OSBPL6: variants seen among roughly 807,000 people sequenced by gnomAD.
OSBPL6 encodes oxysterol binding protein like 6, also known as oxysterol-binding protein-related protein 6.
A neutral mutation model predicts 125.8 loss-of-function variants in OSBPL6; 49 were observed. That is an observed-to-expected ratio of 0.39 (90% confidence interval 0.31 to 0.49). The LOEUF (loss-of-function observed/expected upper bound fraction) is 0.49, where lower values mean the gene tolerates loss of function less well. Among genes scored for constraint, OSBPL6 ranks in the 20% least tolerant of loss-of-function variants. The pLI is 0.88. For synonymous variants in OSBPL6, 394 were observed against 391.8 expected (o/e 1.01, Z -0.07); for missense variants, 986 against 1,135.4 (o/e 0.87, Z 1.89).
At chr2:178,259,218 C>G (rs748215214) in intron 1 of OSBPL6, among the ~76,000 whole-genome samples, 6 of 152,112 alleles carry the variant, frequency 3.9e-5, no homozygotes, top group Non-Finnish European at 7.3e-5. Context: ...CCCAAGTGTA[C>G]CTGCATATAT....
chr2:178,282,573 A>C (rs1052367243), intron 1 of OSBPL6, among the ~76,000 whole-genome samples: 1 of 152,190 alleles, frequency 6.6e-6, no homozygotes, highest in Non-Finnish European at 1.5e-5. Context: ...CCTCTTTATC[A>C]GTGTCTTCTC....
At chr2:178,210,639 C>A (rs73028670) in intron 1 of OSBPL6, among the ~76,000 whole-genome samples, 60,131 of 151,692 alleles carry the variant, frequency 0.4, 12,428 homozygotes, top group African/African-American at 0.51. Flanking sequence ...GGTGAAACCC[C>A]GCTTCTACTA....
chr2:178,373,819 G>A, intron 14 of OSBPL6, 71 bp from the exon 15 acceptor site: 1 of 1,566,240 alleles, frequency 6.4e-7, no homozygotes. Context: ...GTAGAAATCT[G>A]GCTAATTTGA....
intron 13 of OSBPL6, among the ~76,000 whole-genome samples, chr2:178,368,744 A>G (rs1020590321): frequency 2.6e-5 from 4 of 152,042 alleles, no homozygotes; most frequent in African/African-American, 9.7e-5. Flanking sequence ...AAAAAATTAA[A>G]TGTAAAAAAA....
chr2:178,393,350 C>T (rs774520922), intron 23 of OSBPL6, among the ~76,000 whole-genome samples: 2 of 152,126 alleles, frequency 1.3e-5, no homozygotes, highest in Non-Finnish European at 2.9e-5. Flanking sequence ...ACCTTTAATA[C>T]CTTCTGATTC....
At chr2:178,358,102 G>C (rs1008416029) in intron 12 of OSBPL6, among the ~76,000 whole-genome samples, 1 of 152,122 alleles carries the variant, frequency 6.6e-6, no homozygotes, top group Non-Finnish European at 1.5e-5. Context: ...GGCTGGGGGA[G>C]GGATAGCATT....
rs1696107380 is a variant in OSBPL6 at position 178,401,716 on chromosome 2, G to T, written c.*6157G>T. ...GCCACGAAAATCATCTTGGATATTT[G>T]TTTACAGGCTGATTCCTGAGTTTCC... On this transcript the variant is annotated 3_prime_UTR_variant, in exon 25 of 25. Coordinates refer to ENST00000190611, the MANE Select transcript of OSBPL6 (RefSeq NM_032523.4). 6.6e-6 allele frequency: 1 copy of T among 152,186 alleles called. No individual in the cohort carries two copies. The highest frequency in any genetic ancestry group is 2.4e-5 in the African/African-American group (1 of 41,442). 9.4% of individuals were successfully genotyped at this position (152,186 alleles called of 1,614,324 possible).
intron 1 of OSBPL6, among the ~76,000 whole-genome samples, chr2:178,225,629 A>T (rs1017478717): frequency 6.6e-6 from 1 of 152,200 alleles, no homozygotes; most frequent in Non-Finnish European, 1.5e-5. Flanking sequence ...TTTACAAAAG[A>T]AAGAGGTTTA....
At position 178,267,364 on chromosome 2, in the gene OSBPL6, A is replaced by G. The variant is rs1056257642; in HGVS notation, c.-350-17563A>G. Among the ~76,000 whole-genome samples, 76 of 151,508 alleles carry G rather than the reference A, an allele frequency of 5.0e-4. 2 individuals carry two copies. Among genetic ancestry groups the G allele is most frequent in the African/African-American group, 1.8e-3 (74 of 41,316 alleles). On this transcript the variant is annotated intron_variant, in intron 1 of 24. Coordinates refer to ENST00000190611, the MANE Select transcript of OSBPL6 (RefSeq NM_032523.4). The stretch of plus-strand genomic sequence containing the variant: ...GTGAAACTCCATCTCAAAAAAAAAA[A>G]AAAAAAAAAAACAAAACAAGGTTTA...
At chr2:178,381,133 T>G (rs1694438160) in intron 15 of OSBPL6, among the ~76,000 whole-genome samples, 1 of 152,232 alleles carries the variant, frequency 6.6e-6, no homozygotes, top group Non-Finnish European at 1.5e-5. Context: ...GCAGCTTTCT[T>G]GCCTGTGGGA....
In OSBPL6 at chr2:178,306,138, A is replaced by C. The variant is rs200367698; in HGVS notation, c.-47A>C. 8.9e-6 allele frequency: 10 copies of C among 1,120,880 alleles called. No individual in the cohort carries two copies. The East Asian group carries it at 2.4e-4, about 27-fold the overall frequency. 69.4% of individuals were successfully genotyped at this position (1,120,880 alleles called of 1,614,324 possible). A position where few individuals can be genotyped will look rare whatever the true frequency, so the allele number is the denominator to read the frequency against. On this transcript the variant is annotated 5_prime_UTR_variant, in exon 3 of 25. Coordinates refer to ENST00000190611, the MANE Select transcript of OSBPL6 (RefSeq NM_032523.4). ...CTTCTTTGTTTGTGGATTTGAGAGA[A>C]GATTGGGATGGTCTTAAGTGCATAA...
At chr2:178,290,423 G>A (rs961094071) in intron 2 of OSBPL6, among the ~76,000 whole-genome samples, 1 of 50,196 alleles carries the variant, frequency 2.0e-5, no homozygotes, top group African/African-American at 5.2e-5. Flanking sequence ...TAATTGTAGT[G>A]GTTTTTTTTT....
At chr2:178,373,745 T>C in intron 14 of OSBPL6, 145 bp from the exon 15 acceptor site, 1 of 922,808 alleles carries the variant, frequency 1.1e-6, no homozygotes, top group Non-Finnish European at 1.6e-6. Flanking sequence ...TATACAGTGA[T>C]CATTGCTGAA....
intron 1 of OSBPL6, among the ~76,000 whole-genome samples, chr2:178,199,144 A>G (rs2089089847): frequency 6.6e-6 from 1 of 152,250 alleles, no homozygotes. Flanking sequence ...AGATAGTAAA[A>G]TATGACCAAA....
At chr2:178,273,806 C>T (rs1452550362) in intron 1 of OSBPL6, among the ~76,000 whole-genome samples, 1 of 152,130 alleles carries the variant, frequency 6.6e-6, no homozygotes, top group African/African-American at 2.4e-5. Context: ...CAGAGAAAGT[C>T]AGCTAAGGCA....
chr2:178,328,408 C>T (rs867748607), intron 5 of OSBPL6, 30 bp downstream of exon 5: 3 of 1,600,506 alleles, frequency 1.9e-6, no homozygotes, highest in Non-Finnish European at 2.6e-6. Flanking sequence ...CAGGTTCAGA[C>T]CATCTTCATA....
chr2:178,360,562 A>G (rs1408229865), intron 12 of OSBPL6, among the ~76,000 whole-genome samples: 1 of 152,216 alleles, frequency 6.6e-6, no homozygotes, highest in Admixed American at 6.5e-5. Context: ...CCTTAAATAC[A>G]TACACAATAA....
chr2:178,368,129 C>A (rs927816461), intron 13 of OSBPL6, among the ~76,000 whole-genome samples: 1 of 152,098 alleles, frequency 6.6e-6, no homozygotes, highest in Admixed American at 6.6e-5. Context: ...ATTATAGAAA[C>A]ATGGTATTAT....
At chr2:178,211,808 A>G (rs949639873) in intron 1 of OSBPL6, among the ~76,000 whole-genome samples, 1 of 152,118 alleles carries the variant, frequency 6.6e-6, no homozygotes. Flanking sequence ...GGTGTCTTCA[A>G]TTGTAATGCA....
Sources: gnomAD v4.1 joint callset for allele counts (sites outside exome capture counted in the v4.1 genomes callset) on GRCh38, gnomAD v4.1.1 for gene constraint, MANE v1.5 for transcripts, NCBI Gene and HGNC (gene_info 2026-07-23, HGNC 2026-07-21) for gene names.